Variants in SDK1 observed in about 807,000 individuals in gnomAD.
SDK1 encodes the protein protein sidekick-1.
In SDK1, 157 loss-of-function variants were observed where a neutral mutation model predicts 245.5. The ratio of observed to expected loss-of-function variants is 0.64; its 90% CI spans 0.56 to 0.73. SDK1 has a LOEUF of 0.73. Ranked by LOEUF, SDK1 falls within the 30% of genes least tolerant of loss-of-function variation. The pLI is 0.00. For synonymous variants in SDK1, 1,647 were observed against 1,278.5 expected (o/e 1.29, Z -6.15); for missense variants, 3,583 against 3,002.3 (o/e 1.19, Z -4.52).
rs192053821 is a variant in SDK1 at position 4,251,124 on chromosome 7, C to T, written c.6381+5319C>T. Reference sequence around the variant, plus strand: ...TATGTTGTAGCACATATCAGTACTTCATTTCTATATTATATGGGGGGAAAT... The same window carrying T: ...TATGTTGTAGCACATATCAGTACTTTATTTCTATATTATATGGGGGGAAAT... On this transcript the variant is annotated intron_variant, in intron 44 of 44. Coordinates refer to ENST00000404826, the MANE Select transcript of SDK1 (RefSeq NM_152744.4). Among the ~76,000 whole-genome samples, 520 of 152,280 alleles carry T rather than the reference C, an allele frequency of 3.4e-3. 4 individuals carry two copies. Among genetic ancestry groups the T allele is most frequent in the African/African-American group, 0.012 (498 of 41,564 alleles).
intron 22 of SDK1, among the ~76,000 whole-genome samples, chr7:4,106,036 G>T (rs951950459): frequency 2.7e-4 from 41 of 152,192 alleles, no homozygotes; most frequent in Admixed American, 2.2e-3. Context: ...GGGCGGGAAG[G>T]GCAGGGTAGT....
chr7:3,418,214 G>T (rs1019360169), intron 1 of SDK1, among the ~76,000 whole-genome samples: 8 of 151,144 alleles, frequency 5.3e-5, no homozygotes, highest in Admixed American at 5.3e-4. Context: ...CTACATGGGA[G>T]GCTGAGGCAG....
intron 1 of SDK1, among the ~76,000 whole-genome samples, chr7:3,532,536 C>A (rs1783382612): frequency 1.3e-5 from 2 of 152,142 alleles, no homozygotes; most frequent in Non-Finnish European, 2.9e-5. Flanking sequence ...CTCACACACA[C>A]TAAGTAGTGA....
At chr7:3,852,410 CA>C (rs1437355398) in intron 5 of SDK1, among the ~76,000 whole-genome samples, 1 of 151,150 alleles carries the variant, frequency 6.6e-6, no homozygotes, top group African/African-American at 2.4e-5. Context: ...ACGAGTCTTG[CA>C]AAAAATGAGA....
rs188985704 is a variant in SDK1, at chr7:4,234,749, C to T, written c.5992+1330C>T. On this transcript the variant is annotated intron_variant, in intron 41 of 44. Coordinates refer to ENST00000404826, the MANE Select transcript of SDK1 (RefSeq NM_152744.4). ...GCTCCAGGCGTGACTTTCTTTACCC[C>T]GCGATGATTCTATCGTGCAGACCGG... Among the ~76,000 whole-genome samples the T allele has an allele frequency of 4.6e-5, 7 of 152,312 alleles. No homozygotes were observed. In the East Asian group the frequency reaches 7.7e-4, roughly 17 times the overall value.
rs1177267683 is a variant in SDK1, at chr7:3,514,447, G to T, written c.299-104633G>T. ...ATCCATGTGGCTTAAGCAAGGGAAA[G>T]GTTTGTTTCTCTCTTAAATGTAGAG... On this transcript the variant is annotated intron_variant, in intron 1 of 44. Transcript: ENST00000404826. Among the ~76,000 whole-genome samples the T allele has an allele frequency of 2.0e-5, 3 of 152,194 alleles. No homozygotes were observed. The East Asian group carries it at 5.8e-4, about 29-fold the overall frequency.
At chr7:3,852,750 CAAAAAA>C (rs35116493) in intron 5 of SDK1, among the ~76,000 whole-genome samples, 1 of 28,160 alleles carries the variant, frequency 3.6e-5, no homozygotes, top group Non-Finnish European at 7.5e-5. Flanking sequence ...GACTCCGTCT[CAAAAAA>C]AAAAAAAAAA....
intron 32 of SDK1, among the ~76,000 whole-genome samples, chr7:4,170,612 A>G (rs111871402): frequency 5.8e-4 from 89 of 152,302 alleles, no homozygotes; most frequent in African/African-American, 2.0e-3. Flanking sequence ...AGTTGCATAT[A>G]ATACTGACCG....
intron 33 of SDK1, among the ~76,000 whole-genome samples, chr7:4,174,734 T>C (rs1446615657): frequency 1.3e-5 from 2 of 152,122 alleles, no homozygotes; most frequent in Non-Finnish European, 2.9e-5. Context: ...CCCGCCTGTC[T>C]GTACCAGACA....
chr7:3,797,552 G>C (rs1250535623), intron 4 of SDK1, among the ~76,000 whole-genome samples: 1 of 151,002 alleles, frequency 6.6e-6, no homozygotes, highest in Non-Finnish European at 1.5e-5. Flanking sequence ...TTTACTCTAT[G>C]TTTTCATACT....
chr7:4,096,059 A>G (rs1237102091), intron 22 of SDK1, among the ~76,000 whole-genome samples: 2 of 152,180 alleles, frequency 1.3e-5, no homozygotes, highest in African/African-American at 4.8e-5. Flanking sequence ...CTGTCCTGAA[A>G]TGTAGCTGTA....
At chr7:4,184,779 A>G (rs755591224) in intron 35 of SDK1, among the ~76,000 whole-genome samples, 1 of 152,222 alleles carries the variant, frequency 6.6e-6, no homozygotes, top group Non-Finnish European at 1.5e-5. Context: ...TTAAGCTGAA[A>G]GAATCATTAT....
intron 15 of SDK1, among the ~76,000 whole-genome samples, chr7:4,011,551 G>A (rs186852517): frequency 3.3e-5 from 5 of 152,300 alleles, no homozygotes; most frequent in Admixed American, 1.3e-4. Context: ...CGGTCTTCAC[G>A]CTCTCCCATC....
chr7:3,420,305 A>G (rs761080561), intron 1 of SDK1, among the ~76,000 whole-genome samples: 1 of 152,260 alleles, frequency 6.6e-6, no homozygotes, highest in Non-Finnish European at 1.5e-5. Flanking sequence ...GTTAGATGCA[A>G]TAGCATTTAT....
At chr7:3,798,720 T>G (rs141632268) in intron 4 of SDK1, among the ~76,000 whole-genome samples, 19 of 152,292 alleles carry the variant, frequency 1.2e-4, no homozygotes, top group African/African-American at 4.3e-4. Context: ...ATTCTGTTCT[T>G]AGAAGCAAGT....
chr7:3,625,767 T>C (rs535939141), intron 2 of SDK1, among the ~76,000 whole-genome samples: 1 of 152,268 alleles, frequency 6.6e-6, no homozygotes, highest in Non-Finnish European at 1.5e-5. Context: ...ACCTGCTGGC[T>C]GTGGTGCCAG....
intron 4 of SDK1, among the ~76,000 whole-genome samples, chr7:3,810,304 A>G (rs1382438619): frequency 5.3e-5 from 8 of 152,064 alleles, no homozygotes; most frequent in Non-Finnish European, 2.9e-5. Context: ...GACTGAAAAC[A>G]TGTATTCCGC....
chr7:4,244,616 A>G (rs1412346123), intron 43 of SDK1, among the ~76,000 whole-genome samples: 1 of 152,138 alleles, frequency 6.6e-6, no homozygotes, highest in African/African-American at 2.4e-5. Context: ...GCTTAAACCA[A>G]CACCCATTTA....
chr7:3,802,237 C>T lies in SDK1; in HGVS notation c.714-19213C>T, dbSNP rs904715487. The stretch of plus-strand genomic sequence containing the variant: ...ATGTGTGTAACTACCACTACATCCA[C>T]AATACAGTGCTGGGCTGGTCTCACG... On this transcript the variant is annotated intron_variant, in intron 4 of 44. Coordinates refer to ENST00000404826, the MANE Select transcript of SDK1 (RefSeq NM_152744.4). 2.0e-5 allele frequency among the ~76,000 whole-genome samples: 3 copies of T among 152,172 alleles called. No homozygotes were observed. In the South Asian group the frequency reaches 6.2e-4, roughly 32 times the overall value.
Sources: allele counts gnomAD v4.1 joint callset (sites outside exome capture counted in the v4.1 genomes callset), GRCh38; gene constraint gnomAD v4.1.1; transcripts MANE v1.5; gene names NCBI Gene and HGNC (gene_info 2026-07-23, HGNC 2026-07-21).